Variants in FSTL4 observed in about 807,000 individuals in gnomAD.
FSTL4 encodes follistatin-related protein 4.
In FSTL4, 28 loss-of-function variants were observed where a neutral mutation model predicts 78.2. The ratio of observed to expected loss-of-function variants is 0.36; its 90% CI spans 0.27 to 0.49. The LOEUF is 0.49. FSTL4 is among the 20% of genes least tolerant of loss of function. FSTL4 has a pLI of 0.98. For missense variants in FSTL4, 922 were observed against 1,084.9 expected (o/e 0.85, Z 2.11); for synonymous variants, 422 against 440.5 (o/e 0.96, Z 0.53).
intron 6 of FSTL4, among the ~76,000 whole-genome samples, chr5:133,279,816 T>C (rs1175316809): frequency 6.6e-6 from 1 of 152,224 alleles, no homozygotes; most frequent in African/African-American, 2.4e-5. Context: ...TTTGCACATA[T>C]AATTACTTAA....
intron 3 of FSTL4, among the ~76,000 whole-genome samples, chr5:133,509,214 T>C (rs1322300934): frequency 6.6e-6 from 1 of 152,194 alleles, no homozygotes; most frequent in Non-Finnish European, 1.5e-5. Flanking sequence ...CCTGCTACAC[T>C]GGGTGAGCCC....
intron 3 of FSTL4, among the ~76,000 whole-genome samples, chr5:133,490,126 C>T (rs1321665055): frequency 2.0e-5 from 3 of 149,470 alleles, no homozygotes; most frequent in South Asian, 2.1e-4. Flanking sequence ...CCCATCTTTG[C>T]CTCATTGTTT....
chr5:133,738,028 A>G, the FSTL4 span, among the ~76,000 whole-genome samples: 4 of 152,114 alleles, frequency 2.6e-5, no homozygotes, highest in Non-Finnish European at 5.9e-5. Context: ...GCTCAGGGTT[A>G]TCAGGTAGCT....
chr5:133,574,039 C>T (rs1181997515), intron 2 of FSTL4, among the ~76,000 whole-genome samples: 2 of 152,082 alleles, frequency 1.3e-5, no homozygotes, highest in Non-Finnish European at 2.9e-5. Flanking sequence ...ATATCTCAGA[C>T]TTTATTAAAA....
chr5:133,320,615 T>C (rs909280560), intron 4 of FSTL4, among the ~76,000 whole-genome samples: 8 of 152,222 alleles, frequency 5.3e-5, no homozygotes, highest in Non-Finnish European at 8.8e-5. Flanking sequence ...TGAGTGACAC[T>C]GAGCCCATTA....
chr5:133,243,215 C>T (rs1311957314), intron 7 of FSTL4, among the ~76,000 whole-genome samples: 1 of 151,714 alleles, frequency 6.6e-6, no homozygotes, highest in Non-Finnish European at 1.5e-5. Flanking sequence ...CATTAGAAAG[C>T]CCCAAATAGC....
chr5:133,806,972 A>T, the FSTL4 span, among the ~76,000 whole-genome samples: 8 of 152,202 alleles, frequency 5.3e-5, no homozygotes, highest in Admixed American at 5.2e-4. Context: ...ACTTATGAGG[A>T]TGCTCCAGGG....
the FSTL4 span, among the ~76,000 whole-genome samples, chr5:133,770,080 G>A: frequency 1.3e-5 from 2 of 152,140 alleles, no homozygotes; most frequent in African/African-American, 4.8e-5. Context: ...GTGTGTGGGT[G>A]TGTTTGTGTG....
chr5:133,697,527 A>C, the FSTL4 span, among the ~76,000 whole-genome samples: 1 of 152,252 alleles, frequency 6.6e-6, no homozygotes, highest in Non-Finnish European at 1.5e-5. Flanking sequence ...TTTCCCAAGA[A>C]AACCCAAGAC....
At chr5:133,703,603 T>C in the FSTL4 span, among the ~76,000 whole-genome samples, 1 of 152,138 alleles carries the variant, frequency 6.6e-6, no homozygotes, top group African/African-American at 2.4e-5. Context: ...CCAGCCAGGA[T>C]GGAAAAGTCT....
intron 6 of FSTL4, among the ~76,000 whole-genome samples, chr5:133,296,279 C>T (rs1027142040): frequency 6.6e-6 from 1 of 152,232 alleles, no homozygotes; most frequent in Non-Finnish European, 1.5e-5. Context: ...TCACCACCAT[C>T]GTGCCCATTA....
chr5:133,203,181 GGA>G (rs1330633468), intron 14 of FSTL4, among the ~76,000 whole-genome samples: 1 of 152,248 alleles, frequency 6.6e-6, no homozygotes, highest in East Asian at 1.9e-4. Flanking sequence ...CCTCTGTGCA[GGA>G]GAGGAGGCAG....
At chr5:133,434,019 G>A (rs1415891848) in intron 3 of FSTL4, among the ~76,000 whole-genome samples, 1 of 152,090 alleles carries the variant, frequency 6.6e-6, no homozygotes, top group African/African-American at 2.4e-5. Flanking sequence ...TTAAGCAGAA[G>A]GTAATACAAT....
At chr5:133,289,414 C>G (rs1753206920) in intron 6 of FSTL4, among the ~76,000 whole-genome samples, 1 of 152,214 alleles carries the variant, frequency 6.6e-6, no homozygotes, top group Non-Finnish European at 1.5e-5. Context: ...TTCCACAGCA[C>G]CTATCATCCC....
At chr5:133,394,982 G>A (rs553474333) in intron 4 of FSTL4, among the ~76,000 whole-genome samples, 2 of 152,312 alleles carry the variant, frequency 1.3e-5, no homozygotes, top group South Asian at 4.1e-4. Context: ...AGCTAATCTA[G>A]TGGGGACTTG....
At chr5:133,415,687 G>A (rs1331685766) in intron 3 of FSTL4, among the ~76,000 whole-genome samples, 1 of 152,190 alleles carries the variant, frequency 6.6e-6, no homozygotes, top group Non-Finnish European at 1.5e-5. Context: ...GCTGAGGCAG[G>A]TGGTGGCAAG....
the FSTL4 span, among the ~76,000 whole-genome samples, chr5:133,767,509 A>G: frequency 2.0e-5 from 3 of 152,304 alleles, no homozygotes; most frequent in East Asian, 5.8e-4. Context: ...CATCTATGCT[A>G]GGGAGTTTGC....
intron 3 of FSTL4, among the ~76,000 whole-genome samples, chr5:133,422,624 G>A (rs1756722977): frequency 1.3e-5 from 2 of 152,330 alleles, no homozygotes; most frequent in East Asian, 1.9e-4. Flanking sequence ...ACGTGTCTAA[G>A]TGGGGAAAAT....
At chr5:133,710,587 G>C in the FSTL4 span, among the ~76,000 whole-genome samples, 1 of 152,170 alleles carries the variant, frequency 6.6e-6, no homozygotes, top group South Asian at 2.1e-4. Context: ...CCAGGGAATG[G>C]AGGCCACATC....
Sources: gnomAD v4.1 joint callset for allele counts (sites outside exome capture counted in the v4.1 genomes callset) on GRCh38, gnomAD v4.1.1 for gene constraint, MANE v1.5 for transcripts, NCBI Gene and HGNC (gene_info 2026-07-23, HGNC 2026-07-21) for gene names.